The following NCOA2 variants were observed in gnomAD, a reference collection of about 807,000 sequenced individuals.
NCOA2 encodes the protein class E basic helix-loop-helix protein 75.
A neutral mutation model predicts 145.1 loss-of-function variants in NCOA2; 21 were observed. The ratio of observed to expected loss-of-function variants is 0.14; its 90% CI spans 0.10 to 0.21. The LOEUF (loss-of-function observed/expected upper bound fraction) is 0.21. Among genes scored for constraint, NCOA2 ranks in the 10% least tolerant of loss-of-function variants. The probability of loss-of-function intolerance (pLI) is 1.00; values close to 1 mark genes in which losing one functional copy is unlikely to be tolerated. For synonymous variants in NCOA2, 619 were observed against 637.5 expected, an observed-to-expected ratio of 0.97 and a Z score of 0.44; for missense variants, 1,472 against 1,837.6, an observed-to-expected ratio of 0.80 and a Z score of 3.64.
intron 1 of NCOA2, among the ~76,000 whole-genome samples, chr8:70,318,513 C>T (rs1388930945): frequency 2.0e-5 from 3 of 152,144 alleles, no homozygotes; most frequent in Non-Finnish European, 1.5e-5. Context: ...TGCCTGTAAT[C>T]CCAGCACTTT....
At chr8:70,148,139 G>C in intron 12 of NCOA2, 134 bp downstream of exon 12, 1 of 796,688 alleles carries the variant, frequency 1.3e-6, no homozygotes, top group Non-Finnish European at 2.1e-6. Context: ...AAAAGACCAG[G>C]ACAGTAGATG....
chr8:70,378,042 T>C (rs961747059), intron 1 of NCOA2, among the ~76,000 whole-genome samples: 1 of 152,196 alleles, frequency 6.6e-6, no homozygotes, highest in Admixed American at 6.5e-5. Flanking sequence ...ACCATGAGAC[T>C]GCAAGTAAAA....
At chr8:70,249,980 G>GAAA (rs1822995586) in intron 2 of NCOA2, among the ~76,000 whole-genome samples, 1 of 40,120 alleles carries the variant, frequency 2.5e-5, no homozygotes, top group African/African-American at 5.5e-5. Flanking sequence ...AAAAAAAAAA[G>GAAA]AAGAAGAAGA....
intron 4 of NCOA2, among the ~76,000 whole-genome samples, chr8:70,206,484 CTTG>C (rs1324187336): frequency 3.9e-5 from 6 of 151,956 alleles, no homozygotes; most frequent in Admixed American, 2.6e-4. Context: ...TTCATTTTTT[CTTG>C]TTGTTTCATT....
At chr8:70,236,317 G>A (rs557802697) in intron 2 of NCOA2, among the ~76,000 whole-genome samples, 16 of 151,962 alleles carry the variant, frequency 1.1e-4, no homozygotes, top group South Asian at 1.0e-3. Context: ...CCTCCAAGAC[G>A]AAGTCTGTGC....
At chr8:70,298,897 T>C (rs1427256384) in intron 1 of NCOA2, among the ~76,000 whole-genome samples, 1 of 151,934 alleles carries the variant, frequency 6.6e-6, no homozygotes, top group Non-Finnish European at 1.5e-5. Flanking sequence ...CCGTCTCTAC[T>C]AAAATACTAA....
At chr8:70,236,046 A>G (rs1390113732) in intron 2 of NCOA2, among the ~76,000 whole-genome samples, 1 of 151,882 alleles carries the variant, frequency 6.6e-6, no homozygotes, top group Non-Finnish European at 1.5e-5. Flanking sequence ...AAACACATCC[A>G]TTTTTATTCC....
At chr8:70,132,591 G>GT (rs1470650021) in intron 15 of NCOA2, among the ~76,000 whole-genome samples, 1 of 152,188 alleles carries the variant, frequency 6.6e-6, no homozygotes, top group Non-Finnish European at 1.5e-5. Context: ...CTGAGACAGG[G>GT]TCTCACTTCA....
At chr8:70,317,680 A>G (rs971344269) in intron 1 of NCOA2, among the ~76,000 whole-genome samples, 1 of 152,226 alleles carries the variant, frequency 6.6e-6, no homozygotes, top group African/African-American at 2.4e-5. Flanking sequence ...TCAGATAAAC[A>G]GCACTGCACT....
At chr8:70,238,384 T>C (rs1314233273) in intron 2 of NCOA2, among the ~76,000 whole-genome samples, 4 of 152,016 alleles carry the variant, frequency 2.6e-5, no homozygotes, top group East Asian at 2.0e-4. Flanking sequence ...CTCCACAATG[T>C]AAATATTGTT....
At chr8:70,335,405 G>T (rs140175934) in intron 1 of NCOA2, among the ~76,000 whole-genome samples, 1 of 152,106 alleles carries the variant, frequency 6.6e-6, no homozygotes, top group Non-Finnish European at 1.5e-5. Flanking sequence ...CAGCTAAACA[G>T]ATTTTACACC....
At chr8:70,325,740 T>C (rs546228366) in intron 1 of NCOA2, among the ~76,000 whole-genome samples, 1 of 152,318 alleles carries the variant, frequency 6.6e-6, no homozygotes, top group African/African-American at 2.4e-5. Context: ...CACTTATACT[T>C]TTCATTTAAG....
chr8:70,355,809 A>G (rs768600146), intron 1 of NCOA2, among the ~76,000 whole-genome samples: 3 of 152,178 alleles, frequency 2.0e-5, no homozygotes, highest in Non-Finnish European at 2.9e-5. Context: ...ATTCATTAGT[A>G]TATCTGTTAT....
intron 1 of NCOA2, among the ~76,000 whole-genome samples, chr8:70,370,950 T>C (rs1254201091): frequency 6.6e-6 from 1 of 152,152 alleles, no homozygotes; most frequent in Non-Finnish European, 1.5e-5. Context: ...TTTGTTGTGC[T>C]GGGCAATAAT....
At position 70,376,369 on chromosome 8, in the gene NCOA2, GCA is replaced by G. The variant is rs146722946; in HGVS notation, c.-77+27329_-77+27330del. On this transcript the variant is annotated intron_variant, in intron 1 of 22. Coordinates refer to ENST00000452400, the MANE Select transcript of NCOA2 (RefSeq NM_006540.4). ...ACACAGTGGCCCAGTACACACACAC[GCA>G]CACACACACACACACACACAAACGT... Among the ~76,000 whole-genome samples the G allele has an allele frequency of 3.9e-3, 577 of 146,720 alleles. 3 individuals are homozygous for G. Among genetic ancestry groups the G allele is most frequent in the Middle Eastern group, 7.0e-3 (2 of 284 alleles).
rs565195865 is a variant in NCOA2 at position 70,386,250 on chromosome 8, T to G, written c.-77+17450A>C. Among the ~76,000 whole-genome samples, 4 of 152,348 alleles carry G rather than the reference T, an allele frequency of 2.6e-5. No homozygotes were observed. In the East Asian group the frequency reaches 7.7e-4, roughly 29 times the overall value. The stretch of plus-strand genomic sequence containing the variant: ...TTTATAAATCTCAGTGAATGAGATC[T>G]TGGAACTACCACTTTGATAAGCAAA... On this transcript the variant is annotated intron_variant, in intron 1 of 22. Transcript: ENST00000452400.
intron 1 of NCOA2, among the ~76,000 whole-genome samples, chr8:70,365,711 A>G (rs1417888473): frequency 2.0e-5 from 3 of 152,268 alleles, no homozygotes; most frequent in Non-Finnish European, 4.4e-5. Flanking sequence ...TAGAGACACC[A>G]ATGTTCTTTC....
intron 1 of NCOA2, among the ~76,000 whole-genome samples, chr8:70,338,386 C>T (rs1429509658): frequency 6.6e-6 from 1 of 152,078 alleles, no homozygotes; most frequent in African/African-American, 2.4e-5. Context: ...CAAGACTGAA[C>T]CAGAAAGAAA....
At chr8:70,439,502 T>C in the NCOA2 span, among the ~76,000 whole-genome samples, 1 of 152,180 alleles carries the variant, frequency 6.6e-6, no homozygotes, top group Non-Finnish European at 1.5e-5. Flanking sequence ...GAAGATGCAA[T>C]ACCTCATTCA....
Sources: allele counts gnomAD v4.1 joint callset (sites outside exome capture counted in the v4.1 genomes callset), GRCh38; gene constraint gnomAD v4.1.1; transcripts MANE v1.5; gene names NCBI Gene and HGNC (gene_info 2026-07-23, HGNC 2026-07-21).